Variants in CDC42EP3 observed in about 807,000 individuals in gnomAD.
CDC42EP3 encodes CDC42 effector protein 3.
Under a neutral mutation model 15.5 loss-of-function variants are expected in CDC42EP3, and 4 were observed. That is an observed-to-expected ratio of 0.26 (90% CI 0.13 to 0.59). The LOEUF is 0.59. CDC42EP3 is among the 20% of genes least tolerant of loss of function. The probability of loss-of-function intolerance (pLI) is 0.89; values close to 1 mark genes in which losing one functional copy is unlikely to be tolerated. For synonymous variants in CDC42EP3, 145 were observed against 130.3 expected (o/e 1.11, Z -0.77); for missense variants, 309 against 311.2 (o/e 0.99, Z 0.05).
chr2:37,650,138 C>G (rs1184853541), intron 1 of CDC42EP3, among the ~76,000 whole-genome samples: 1 of 152,162 alleles, frequency 6.6e-6, no homozygotes, highest in African/African-American at 2.4e-5. Flanking sequence ...CAGCTCTGAT[C>G]TAGTCCTTCT....
intron 1 of CDC42EP3, among the ~76,000 whole-genome samples, chr2:37,658,366 A>G (rs1406064820): frequency 1.3e-5 from 2 of 152,204 alleles, no homozygotes; most frequent in African/African-American, 4.8e-5. Flanking sequence ...TTGAGCTTGC[A>G]TGGCGGTTGT....
chr2:37,658,734 G>T (rs1357874585), intron 1 of CDC42EP3, among the ~76,000 whole-genome samples: 2 of 152,140 alleles, frequency 1.3e-5, no homozygotes, highest in African/African-American at 2.4e-5. Context: ...CTATCAGTCT[G>T]TCTGGACTGT....
chr2:37,672,220 G>A (rs1666457036), upstream of CDC42EP3: 1 of 152,260 alleles, frequency 6.6e-6, no homozygotes, highest in South Asian at 2.1e-4. Flanking sequence ...GTCGCGTTCT[G>A]TCAGTTTCTA....
chr2:37,646,665 CT>C lies in CDC42EP3; in HGVS notation c.-79del, dbSNP rs1558336323. ...CACAGATGGTATATGTTTCTGAATC[CT>C]TTTTGATAGGAACTGTCACATCATT... On this transcript the variant is annotated 5_prime_UTR_variant, in exon 2 of 2. Coordinates refer to ENST00000295324, the MANE Select transcript of CDC42EP3 (RefSeq NM_006449.5). The C allele has an allele frequency of 7.5e-7, 1 of 1,338,396 alleles. No individual in the cohort carries two copies. Among genetic ancestry groups the C allele is most frequent in the East Asian group, 2.4e-5 (1 of 42,518 alleles). 82.9% of individuals were successfully genotyped at this position (1,338,396 alleles called of 1,614,324 possible).
At chr2:37,653,156 G>A (rs1665741351) in intron 1 of CDC42EP3, among the ~76,000 whole-genome samples, 2 of 152,158 alleles carry the variant, frequency 1.3e-5, no homozygotes, top group South Asian at 4.1e-4. Flanking sequence ...AGAGAGAAAA[G>A]ATTTGCCAAC....
chr2:37,669,746 G>A (rs1309854174), intron 1 of CDC42EP3, among the ~76,000 whole-genome samples: 1 of 152,198 alleles, frequency 6.6e-6, no homozygotes, highest in African/African-American at 2.4e-5. Context: ...TCTTATCTGT[G>A]AGCCCAGAGG....
chr2:37,657,179 C>T (rs1665893148), intron 1 of CDC42EP3, among the ~76,000 whole-genome samples: 1 of 152,116 alleles, frequency 6.6e-6, no homozygotes, highest in Non-Finnish European at 1.5e-5. Context: ...TAACCTGAAA[C>T]TAAGAACCTT....
intron 1 of CDC42EP3, among the ~76,000 whole-genome samples, chr2:37,670,021 G>A (rs557412156): frequency 6.6e-6 from 1 of 152,190 alleles, no homozygotes; most frequent in Non-Finnish European, 1.5e-5. Flanking sequence ...GGGTATGAAA[G>A]AGTAGACTTC....
At chr2:37,663,069 G>A (rs1354763430) in intron 1 of CDC42EP3, among the ~76,000 whole-genome samples, 2 of 152,234 alleles carry the variant, frequency 1.3e-5, no homozygotes, top group African/African-American at 4.8e-5. Flanking sequence ...TGAGGCTGAG[G>A]CAGGAGAATC....
rs1377420671 is a variant in CDC42EP3, at chr2:37,643,218, A to G, written c.*2605T>C. Reference sequence around the variant, plus strand: ...GGGAGAAGGTTCACAGGATGAGAACATCAATTCAGCTCACAGCAGGTATGG... The same window carrying G: ...GGGAGAAGGTTCACAGGATGAGAACGTCAATTCAGCTCACAGCAGGTATGG... On this transcript the variant is annotated 3_prime_UTR_variant, in exon 2 of 2. Transcript: ENST00000295324. 6.6e-6 allele frequency: 1 copy of G among 152,240 alleles called. No homozygotes were observed. The highest frequency in any genetic ancestry group is 2.4e-5 in the African/African-American group (1 of 41,454). 9.4% of individuals were successfully genotyped at this position (152,240 alleles called of 1,614,324 possible).
intron 1 of CDC42EP3, among the ~76,000 whole-genome samples, chr2:37,655,921 G>A (rs1416474862): frequency 6.6e-6 from 1 of 152,186 alleles, no homozygotes; most frequent in African/African-American, 2.4e-5. Context: ...CTCCAGTTCT[G>A]GTAATGGTAA....
chr2:37,670,885 A>C (rs892983740), intron 1 of CDC42EP3, among the ~76,000 whole-genome samples: 18 of 152,218 alleles, frequency 1.2e-4, no homozygotes, highest in Non-Finnish European at 2.9e-5. Context: ...AACAAAAAAC[A>C]AAAAACCTTG....
intron 1 of CDC42EP3, among the ~76,000 whole-genome samples, chr2:37,654,853 T>G (rs565248454): frequency 1.3e-5 from 2 of 152,352 alleles, no homozygotes; most frequent in South Asian, 4.1e-4. Flanking sequence ...TGGACGCTCA[T>G]GTCAATCCTT....
intron 1 of CDC42EP3, among the ~76,000 whole-genome samples, chr2:37,664,414 A>T (rs939987087): frequency 6.6e-6 from 1 of 152,112 alleles, no homozygotes; most frequent in African/African-American, 2.4e-5. Flanking sequence ...TGGGACTTGG[A>T]CTAACTTCCT....
In CDC42EP3 at chr2:37,646,606, C is replaced by CTAT; in HGVS notation, c.-22_-20dup. ...CTGGCATTTTGGAATTTGAGAATGT[C>CTAT]TATTTTGCAAGCGGGAGAAAGGGCC... On this transcript the variant is annotated 5_prime_UTR_variant, in exon 2 of 2. Transcript: ENST00000295324. 1 of 1,523,872 alleles carries CTAT rather than the reference C, an allele frequency of 6.6e-7. No homozygotes were observed. The highest frequency in any genetic ancestry group is 8.8e-7 in the Non-Finnish European group (1 of 1,139,942). 94.4% of individuals were successfully genotyped at this position (1,523,872 alleles called of 1,614,324 possible).
chr2:37,655,493 G>T (rs1665818469), intron 1 of CDC42EP3, among the ~76,000 whole-genome samples: 1 of 152,140 alleles, frequency 6.6e-6, no homozygotes, highest in South Asian at 2.1e-4. Flanking sequence ...AGGCCATTAG[G>T]ACCTTTTTTC....
At chr2:37,662,936 G>A (rs1666113828) in intron 1 of CDC42EP3, among the ~76,000 whole-genome samples, 1 of 152,160 alleles carries the variant, frequency 6.6e-6, no homozygotes, top group African/African-American at 2.4e-5. Context: ...AGGCCGAGGC[G>A]GGCGGATCGC....
At chr2:37,663,755 C>A (rs1666156754) in intron 1 of CDC42EP3, among the ~76,000 whole-genome samples, 1 of 152,154 alleles carries the variant, frequency 6.6e-6, no homozygotes, top group Non-Finnish European at 1.5e-5. Context: ...AGTATTGTTC[C>A]TGGGTGTGTC....
chr2:37,664,930 G>A (rs990891957), intron 1 of CDC42EP3, among the ~76,000 whole-genome samples: 1 of 152,058 alleles, frequency 6.6e-6, no homozygotes, highest in Admixed American at 6.5e-5. Context: ...GCGGGAGGAG[G>A]GAGAGGATCA....
Sources: gnomAD v4.1 joint callset for allele counts (sites outside exome capture counted in the v4.1 genomes callset) on GRCh38, gnomAD v4.1.1 for gene constraint, MANE v1.5 for transcripts, NCBI Gene and HGNC (gene_info 2026-07-23, HGNC 2026-07-21) for gene names.